Variants in DPP10 observed in about 807,000 individuals in gnomAD.
DPP10 encodes dipeptidyl peptidase like 10.
Under a neutral mutation model 120.9 loss-of-function variants are expected in DPP10, and 33 were observed. That is an observed-to-expected ratio of 0.27 (90% confidence interval 0.21 to 0.37). The LOEUF is 0.37. Among genes scored for constraint, DPP10 ranks in the 10% least tolerant of loss-of-function variants. DPP10 has a pLI of 1.00. For synonymous variants in DPP10, 337 were observed against 326.1 expected, an observed-to-expected ratio of 1.03 and a Z score of -0.36; for missense variants, 816 against 942.8, an observed-to-expected ratio of 0.87 and a Z score of 1.76.
At chr2:115,684,323 G>T (rs981821011) in intron 5 of DPP10, among the ~76,000 whole-genome samples, 1 of 151,784 alleles carries the variant, frequency 6.6e-6, no homozygotes, top group African/African-American at 2.4e-5. Flanking sequence ...GTTCGTAACT[G>T]TGTGAAGAAG....
chr2:114,632,516 T>TC (rs1334026288), intron 1 of DPP10, among the ~76,000 whole-genome samples: 1 of 135,998 alleles, frequency 7.4e-6, no homozygotes, highest in African/African-American at 2.8e-5. Context: ...TTTTTTTTTT[T>TC]TTTTTTTTTT....
At chr2:115,294,142 G>A (rs887864134) in intron 1 of DPP10, among the ~76,000 whole-genome samples, 1 of 152,050 alleles carries the variant, frequency 6.6e-6, no homozygotes, top group Non-Finnish European at 1.5e-5. Flanking sequence ...TGCTACCAGA[G>A]GGATAAGCCA....
At chr2:115,806,162 T>C (rs1355495382) in intron 19 of DPP10, among the ~76,000 whole-genome samples, 1 of 152,214 alleles carries the variant, frequency 6.6e-6, no homozygotes, top group Non-Finnish European at 1.5e-5. Flanking sequence ...AAGAGATTTT[T>C]TAACACCTTA....
intron 1 of DPP10, among the ~76,000 whole-genome samples, chr2:115,260,655 A>G (rs923841973): frequency 6.6e-5 from 10 of 152,216 alleles, no homozygotes; most frequent in Non-Finnish European, 1.5e-4. Context: ...TATCCTAACT[A>G]TAGTAGTCTG....
intron 4 of DPP10, among the ~76,000 whole-genome samples, chr2:115,519,350 A>T (rs1260656001): frequency 1.3e-5 from 2 of 152,176 alleles, no homozygotes; most frequent in Non-Finnish European, 2.9e-5. Flanking sequence ...ACGTAGTTGT[A>T]TCATGGCATT....
chr2:115,780,789 T>C, intron 15 of DPP10, 85 bp from the exon 16 acceptor site: 3 of 1,291,226 alleles, frequency 2.3e-6, no homozygotes, highest in Non-Finnish European at 3.2e-6. Flanking sequence ...CTCCCTTGTT[T>C]ATATTATATT....
intron 5 of DPP10, among the ~76,000 whole-genome samples, chr2:115,684,614 A>G (rs2090870411): frequency 1.3e-5 from 2 of 151,830 alleles, no homozygotes; most frequent in South Asian, 4.1e-4. Context: ...ATTTATATCA[A>G]TTCGGCTGTT....
At chr2:114,902,462 C>A (rs1163364849) in intron 1 of DPP10, among the ~76,000 whole-genome samples, 1 of 152,134 alleles carries the variant, frequency 6.6e-6, no homozygotes, top group Non-Finnish European at 1.5e-5. Flanking sequence ...ATCACATTTT[C>A]TTGATTGCTA....
chr2:114,978,209 G>A (rs912815036), intron 1 of DPP10, among the ~76,000 whole-genome samples: 2 of 152,156 alleles, frequency 1.3e-5, no homozygotes, highest in East Asian at 3.9e-4. Context: ...TGTCCAATAT[G>A]GTTACCACTA....
intron 1 of DPP10, among the ~76,000 whole-genome samples, chr2:114,512,846 C>T (rs886565022): frequency 6.6e-6 from 1 of 152,176 alleles, no homozygotes; most frequent in Non-Finnish European, 1.5e-5. Flanking sequence ...TGCTTGTTGT[C>T]ACGTTCCTGT....
chr2:114,757,864 G>T (rs1042548961), intron 1 of DPP10, among the ~76,000 whole-genome samples: 10 of 151,830 alleles, frequency 6.6e-5, no homozygotes, highest in Non-Finnish European at 1.3e-4. Flanking sequence ...GACTTACTTT[G>T]GTTGAAACAC....
At chr2:115,566,584 A>T (rs1422040504) in intron 5 of DPP10, among the ~76,000 whole-genome samples, 4 of 152,174 alleles carry the variant, frequency 2.6e-5, no homozygotes, top group Non-Finnish European at 5.9e-5. Flanking sequence ...TGTCTTTCAA[A>T]AAAAGTCATC....
intron 13 of DPP10, among the ~76,000 whole-genome samples, chr2:115,772,308 T>C (rs202121172): frequency 4.3e-4 from 65 of 152,280 alleles, no homozygotes; most frequent in East Asian, 2.9e-3. Context: ...TAATGATAGA[T>C]GTCACTGTAT....
At chr2:115,106,067 T>C (rs2048931386) in intron 1 of DPP10, among the ~76,000 whole-genome samples, 1 of 152,208 alleles carries the variant, frequency 6.6e-6, no homozygotes, top group Non-Finnish European at 1.5e-5. Flanking sequence ...TGAACATACA[T>C]AGAATTTCCA....
chr2:114,584,872 A>T (rs1690824431), intron 1 of DPP10, among the ~76,000 whole-genome samples: 3 of 152,102 alleles, frequency 2.0e-5, no homozygotes, highest in Admixed American at 2.0e-4. Flanking sequence ...CACCATGAAG[A>T]CTTGAACATT....
At chr2:114,827,573 T>A (rs920320407) in intron 1 of DPP10, among the ~76,000 whole-genome samples, 1 of 152,198 alleles carries the variant, frequency 6.6e-6, no homozygotes, top group Non-Finnish European at 1.5e-5. Flanking sequence ...CCTAGTATTC[T>A]CTTTGAGCCA....
At chr2:115,478,039 G>T (rs1024154327) in intron 3 of DPP10, among the ~76,000 whole-genome samples, 2 of 152,090 alleles carry the variant, frequency 1.3e-5, no homozygotes. Context: ...TGTGAACTCG[G>T]AGTGAGAACT....
rs192028537 is a variant in DPP10, at chr2:115,659,721, A to G, written c.442-29966A>G. 2.0e-4 allele frequency among the ~76,000 whole-genome samples: 30 copies of G among 152,304 alleles called. 1 individual carries two copies. Among genetic ancestry groups the G allele is most frequent in the African/African-American group, 6.5e-4 (27 of 41,556 alleles). ...TGTCTAATATACAGAGAAATTTCCA[A>G]AGACTTTTTAATCTTTGCTTAGCAT... On this transcript the variant is annotated intron_variant, in intron 5 of 25. Coordinates refer to ENST00000410059, the MANE Select transcript of DPP10 (RefSeq NM_020868.6).
chr2:114,947,255 T>C (rs1054235316), intron 1 of DPP10, among the ~76,000 whole-genome samples: 1 of 152,122 alleles, frequency 6.6e-6, no homozygotes, highest in South Asian at 2.1e-4. Flanking sequence ...GTTAGCTTTA[T>C]TTATCAAAAT....
Sources: gnomAD v4.1 joint callset for allele counts (sites outside exome capture counted in the v4.1 genomes callset) on GRCh38, gnomAD v4.1.1 for gene constraint, MANE v1.5 for transcripts, NCBI Gene and HGNC (gene_info 2026-07-23, HGNC 2026-07-21) for gene names.